GTF3C3: variants seen among roughly 807,000 people sequenced by gnomAD.
GTF3C3 encodes general transcription factor 3C polypeptide 3.
In GTF3C3, 75 loss-of-function variants were observed where a neutral mutation model predicts 105.2. The observed-to-expected ratio is 0.71, with a 90% CI of 0.59 to 0.86. The LOEUF (loss-of-function observed/expected upper bound fraction) is 0.86, where lower values mean the gene tolerates loss of function less well. GTF3C3 is among the 40% of genes least tolerant of loss of function. The pLI, the probability that GTF3C3 is intolerant of heterozygous loss-of-function variation, is 0.00. For synonymous variants in GTF3C3, 335 were observed against 370.4 expected (o/e 0.90, Z 1.10); for missense variants, 856 against 1,076.5 (o/e 0.80, Z 2.87).
In GTF3C3 at chr2:196,766,715, G is replaced by C. The variant is rs962596543; in HGVS notation, c.2388C>G (p.Gly796=). The C allele has an allele frequency of 6.2e-7, 1 of 1,606,358 alleles. No homozygotes were observed. Among genetic ancestry groups the C allele is most frequent in the African/African-American group, 1.3e-5 (1 of 74,236 alleles). Residue 796 remains glycine (G), a splice_region_variant and synonymous_variant, in exon 17 of 18, where the codon GGC becomes GGG. Transcript: ENST00000263956. ...VLRRHALIVQ[G]FSFLNRYLSL... is the part of the protein sequence containing the mutation. ...TGAGGTATCGATTAAGAAAGGAAAA[G>C]CCCTAACCAAAAAGAAAAAGATAAT...
intron 17 of GTF3C3, among the ~76,000 whole-genome samples, chr2:196,765,807 G>A (rs1224554748): frequency 3.8e-4 from 57 of 151,522 alleles, no homozygotes; most frequent in Non-Finnish European, 2.4e-4. Flanking sequence ...TCAGGAGATC[G>A]AGACCATCCT....
At chr2:196,766,292 C>T (rs1022643687) in intron 17 of GTF3C3, among the ~76,000 whole-genome samples, 4 of 152,030 alleles carry the variant, frequency 2.6e-5, no homozygotes, top group Non-Finnish European at 5.9e-5. Flanking sequence ...TCAGAGGTTA[C>T]GTCTACCAGT....
At position 196,798,359 on chromosome 2, in the gene GTF3C3, T is replaced by C. The variant is rs142215467; in HGVS notation, c.103-451A>G. The stretch of plus-strand genomic sequence containing the variant: ...GGGCAACATGAAGAAACCCTGTCTC[T>C]ACAAAAAATACAAAAATTAGCAGAG... On this transcript the variant is annotated intron_variant, in intron 1 of 17. Coordinates refer to ENST00000263956, the MANE Select transcript of GTF3C3 (RefSeq NM_012086.5). Among the ~76,000 whole-genome samples, 534 of 151,454 alleles carry C rather than the reference T, an allele frequency of 3.5e-3. 1 individual carries two copies. The highest frequency in any genetic ancestry group is 0.012 in the African/African-American group (489 of 41,218).
At chr2:196,780,331 G>C (rs1699326129) in intron 9 of GTF3C3, 7 of 1,124,082 alleles carry the variant, frequency 6.2e-6, no homozygotes, top group Non-Finnish European at 7.9e-6. Flanking sequence ...CTCAAATTAT[G>C]ATCTTTAGAT....
chr2:196,776,750 T>C lies in GTF3C3; in HGVS notation c.1391-121A>G. 1 of 654,614 alleles carries C rather than the reference T, an allele frequency of 1.5e-6. No individual in the cohort carries two copies. Among genetic ancestry groups the C allele is most frequent in the Non-Finnish European group, 2.6e-6 (1 of 377,574 alleles). The allele number at this position is 654,614 out of a possible 1,614,324, so 40.6% of individuals were successfully genotyped here. A position where few individuals can be genotyped will look rare whatever the true frequency, so the allele number is the denominator to read the frequency against. On this transcript the variant is annotated intron_variant, in intron 10 of 17. Coordinates refer to ENST00000263956, the MANE Select transcript of GTF3C3 (RefSeq NM_012086.5). This position sits in a 1 kb window ranked among gnomAD's most constrained non-coding sequence, Gnocchi z 4.5. Reference sequence around the variant, plus strand: ...AAAATTATAACAAGAAATGAATGCGTATTTCTAGTACTTTAAAACTATCCC... The same window carrying C: ...AAAATTATAACAAGAAATGAATGCGCATTTCTAGTACTTTAAAACTATCCC...
At chr2:196,795,526 T>TCAGAGGAACAAAAGAA (rs1240137246) in intron 2 of GTF3C3, among the ~76,000 whole-genome samples, 4 of 150,576 alleles carry the variant, frequency 2.7e-5, no homozygotes, top group African/African-American at 9.9e-5. Context: ...GTAAAATTTA[T>TCAGAGGAACAAAAGAA]CAGAGGAACA....
chr2:196,788,792 C>T (rs368525683), intron 6 of GTF3C3, among the ~76,000 whole-genome samples: 24 of 152,148 alleles, frequency 1.6e-4, no homozygotes, highest in African/African-American at 5.5e-4. Context: ...GGGCTGGGCA[C>T]GGTGGCTCAT....
chr2:196,785,675 A>C (rs1699443173), intron 6 of GTF3C3, 87 bp from the exon 7 acceptor site: 6 of 734,320 alleles, frequency 8.2e-6, no homozygotes, highest in Non-Finnish European at 1.4e-5. Flanking sequence ...AACAATGAAC[A>C]GTGATTTTCA....
At chr2:196,796,963 G>A (rs1018226969) in intron 2 of GTF3C3, among the ~76,000 whole-genome samples, 1 of 152,188 alleles carries the variant, frequency 6.6e-6, no homozygotes, top group Non-Finnish European at 1.5e-5. Context: ...CAGGGAGGTA[G>A]GAACAAATCT....
chr2:196,775,160 AT>A lies in GTF3C3; in HGVS notation c.1786del (p.Ile596TyrfsTer25). On this transcript the variant is annotated frameshift_variant, in exon 13 of 18. Coordinates refer to ENST00000263956, the MANE Select transcript of GTF3C3 (RefSeq NM_012086.5). LOFTEE classifies it high-confidence loss of function. ...TGACTCTTGGTCATTGCTGTCTGAT[AT>A]TTTGTCTCTCGATACTTTAATAAGA... Reference protein sequence around the residue: ...LYLIKVSRDKISDSNDQESAN... With the variant: ...LYLIKVSRDKXSDSNDQESAN... The A allele has an allele frequency of 6.2e-7, 1 of 1,613,096 alleles. No individual in the cohort carries two copies. Among genetic ancestry groups the A allele is most frequent in the Non-Finnish European group, 8.5e-7 (1 of 1,179,276 alleles).
Position 196,797,782 on chromosome 2 carries a change from A to T in GTF3C3, c.214+15T>A. ...TCTAAACATTCATTGCAGGAAGCAC[A>T]TAATTTTAACATACCTTCATTGACA... On this transcript the variant is annotated intron_variant, in intron 2 of 17. Transcript: ENST00000263956. 1 of 1,368,364 alleles carries T rather than the reference A, an allele frequency of 7.3e-7. No individual in the cohort carries two copies. Among genetic ancestry groups the T allele is most frequent in the Non-Finnish European group, 1.0e-6 (1 of 956,082 alleles). The allele number at this position is 1,368,364 out of a possible 1,614,324, so 84.8% of individuals were successfully genotyped here.
chr2:196,782,820 T>C (rs1381201638), intron 8 of GTF3C3, among the ~76,000 whole-genome samples: 1 of 152,208 alleles, frequency 6.6e-6, no homozygotes, highest in Non-Finnish European at 1.5e-5. Flanking sequence ...AGTATTTAGA[T>C]ACTTTAATGG....
chr2:196,769,649 C>G (rs960822368), intron 16 of GTF3C3, among the ~76,000 whole-genome samples: 5 of 152,130 alleles, frequency 3.3e-5, no homozygotes, highest in East Asian at 3.9e-4. Flanking sequence ...TATAAGGAAG[C>G]CTGCCAGTGC....
chr2:196,797,974 G>A (rs1021351651), intron 1 of GTF3C3, 66 bp from the exon 2 acceptor site: 2 of 934,178 alleles, frequency 2.1e-6, no homozygotes, highest in Non-Finnish European at 3.5e-6. Flanking sequence ...CAGCCACAGA[G>A]TATCTGGTTC....
chr2:196,775,752 G>C (rs994174587), intron 12 of GTF3C3, among the ~76,000 whole-genome samples: 5 of 152,160 alleles, frequency 3.3e-5, no homozygotes, highest in Admixed American at 6.5e-5. Context: ...ACATAGTACT[G>C]TCCACAGGGC....
chr2:196,771,591 T>C (rs1053539801), intron 15 of GTF3C3, among the ~76,000 whole-genome samples, 157 bp downstream of exon 15: 5 of 152,220 alleles, frequency 3.3e-5, no homozygotes, highest in Non-Finnish European at 5.9e-5. Context: ...TAGGTCCAAT[T>C]ATTATCTCCA....
At chr2:196,798,705 T>C (rs1026266981) in intron 1 of GTF3C3, among the ~76,000 whole-genome samples, 3 of 151,264 alleles carry the variant, frequency 2.0e-5, no homozygotes, top group Non-Finnish European at 2.9e-5. Flanking sequence ...CTACTAAACA[T>C]ACAAAAATTA....
chr2:196,789,174 G>C, intron 6 of GTF3C3, 30 bp downstream of exon 6: 13 of 1,536,212 alleles, frequency 8.5e-6, no homozygotes, highest in Non-Finnish European at 1.1e-5. Flanking sequence ...ATTAACAGGA[G>C]CAAGTAGATC....
chr2:196,792,861 A>G, intron 3 of GTF3C3, 95 bp downstream of exon 3: 1 of 759,614 alleles, frequency 1.3e-6, no homozygotes, highest in Non-Finnish European at 2.3e-6. Context: ...TTCCTTTCGT[A>G]CAGTTTGAAT....
Sources: allele counts gnomAD v4.1 joint callset (sites outside exome capture counted in the v4.1 genomes callset), GRCh38; gene constraint gnomAD v4.1.1; non-coding constraint Gnocchi (gnomAD v3.1); transcripts MANE v1.5; gene names NCBI Gene and HGNC (gene_info 2026-07-23, HGNC 2026-07-21).